Variants in PVT1 observed in about 807,000 individuals in gnomAD.
PVT1 encodes the protein CXCR4/PVT1 fusion.
intron 3 of PVT1, among the ~76,000 whole-genome samples, chr8:127,966,741 C>T (rs1026001328): frequency 6.6e-6 from 1 of 152,146 alleles, no homozygotes; most frequent in Non-Finnish European, 1.5e-5. Context: ...CATTGGACAG[C>T]ATATGTCAGC....
rs73707143 is a variant in PVT1, at chr8:127,939,094, T to A, written n.782+48096T>A. Among the ~76,000 whole-genome samples the A allele has an allele frequency of 3.7e-3, 565 of 152,350 alleles. 4 individuals are homozygous for A. Among genetic ancestry groups the A allele is most frequent in the African/African-American group, 0.013 (528 of 41,576 alleles). On this transcript the variant is annotated intron_variant and non_coding_transcript_variant, in intron 3 of 10. Transcript: ENST00000651587. ...CCAAGGGGTCTTCTTGCTTCCGCTTTCTCTAGGCCAAGGCTTTGCAGTTAT... is the reference window on the plus strand; with the variant it reads ...CCAAGGGGTCTTCTTGCTTCCGCTTACTCTAGGCCAAGGCTTTGCAGTTAT...
In PVT1 at chr8:127,935,967, G is replaced by A. The variant is rs975805649; in HGVS notation, n.782+44969G>A. On this transcript the variant is annotated intron_variant and non_coding_transcript_variant, in intron 3 of 10. Transcript: ENST00000651587. ...TGTCAGGGGTGGCCACGTGAGGGTGGAAGTGGTTTGAATGAGGAATGGTCT... is the reference window on the plus strand; with the variant it reads ...TGTCAGGGGTGGCCACGTGAGGGTGAAAGTGGTTTGAATGAGGAATGGTCT... 5.9e-5 allele frequency among the ~76,000 whole-genome samples: 9 copies of A among 151,620 alleles called. 1 individual carries two copies. The highest frequency in any genetic ancestry group is 5.3e-4 in the Admixed American group (8 of 15,236).
At chr8:128,095,354 C>G (rs866870171) in intron 5 of PVT1, among the ~76,000 whole-genome samples, 3 of 152,122 alleles carry the variant, frequency 2.0e-5, no homozygotes, top group South Asian at 2.1e-4. Flanking sequence ...AGGGTTTTGT[C>G]TTTTTCTGCA....
At chr8:127,822,758 C>T (rs1437931752) in intron 2 of PVT1, among the ~76,000 whole-genome samples, 1 of 152,132 alleles carries the variant, frequency 6.6e-6, no homozygotes, top group Non-Finnish European at 1.5e-5. Context: ...GAAACAGCAC[C>T]TACAGGGCTG....
intron 2 of PVT1, among the ~76,000 whole-genome samples, chr8:127,867,576 C>G (rs1348852443): frequency 1.3e-5 from 2 of 152,222 alleles, no homozygotes. Context: ...GCCTTCCTGT[C>G]TGACAAAGGC....
intron 3 of PVT1, among the ~76,000 whole-genome samples, chr8:127,919,253 A>G (rs1467810710): frequency 1.3e-5 from 2 of 152,194 alleles, no homozygotes; most frequent in Non-Finnish European, 2.9e-5. Context: ...ATTCTAACAC[A>G]GCACCTTGTC....
At chr8:127,896,780 C>CA (rs58358914) in intron 3 of PVT1, among the ~76,000 whole-genome samples, 31,901 of 140,946 alleles carry the variant, frequency 0.23, 3,486 homozygotes, top group African/African-American at 0.36. Context: ...TTCCTCCCCC[C>CA]CCCCGCCCCC....
At chr8:128,052,878 G>A (rs1207656823) in intron 4 of PVT1, among the ~76,000 whole-genome samples, 1 of 152,244 alleles carries the variant, frequency 6.6e-6, no homozygotes, top group Non-Finnish European at 1.5e-5. Flanking sequence ...CAAAGGCTAA[G>A]TAATGTGGTC....
chr8:127,854,005 C>T (rs1450486552), intron 2 of PVT1, among the ~76,000 whole-genome samples: 5 of 152,178 alleles, frequency 3.3e-5, no homozygotes, highest in Non-Finnish European at 7.4e-5. Flanking sequence ...TGCCCCCAGC[C>T]CCACGTGCCA....
intron 2 of PVT1, among the ~76,000 whole-genome samples, chr8:127,854,551 A>G (rs1407921090): frequency 2.6e-5 from 4 of 152,188 alleles, no homozygotes; most frequent in Non-Finnish European, 5.9e-5. Flanking sequence ...TGGTCATTTT[A>G]CAGAACTGTG....
At chr8:127,972,631 C>T (rs1016731182) in intron 3 of PVT1, among the ~76,000 whole-genome samples, 2 of 151,996 alleles carry the variant, frequency 1.3e-5, no homozygotes, top group Non-Finnish European at 2.9e-5. Flanking sequence ...CCCAGCTACT[C>T]AAGAGGCTAA....
chr8:128,073,134 A>C (rs1013810941), intron 5 of PVT1, among the ~76,000 whole-genome samples: 15 of 151,956 alleles, frequency 9.9e-5, no homozygotes, highest in Non-Finnish European at 1.3e-4. Flanking sequence ...CACCCGGCCC[A>C]CCTGAGCATT....
chr8:127,822,551 T>G (rs913830787), intron 2 of PVT1, among the ~76,000 whole-genome samples: 4 of 152,166 alleles, frequency 2.6e-5, no homozygotes, highest in African/African-American at 9.7e-5. Flanking sequence ...CACTCCAGCC[T>G]GGGCGACAGA....
chr8:127,805,413 T>G (rs1342933696), intron 2 of PVT1, among the ~76,000 whole-genome samples: 2 of 152,200 alleles, frequency 1.3e-5, no homozygotes, highest in Non-Finnish European at 2.9e-5. Context: ...GCATAATGTC[T>G]GAATTTTTTA....
chr8:127,838,058 C>T (rs1006835267), intron 2 of PVT1, among the ~76,000 whole-genome samples: 6 of 151,824 alleles, frequency 4.0e-5, no homozygotes, highest in Non-Finnish European at 5.9e-5. Context: ...CCACCATGCC[C>T]GGCTAATTTT....
Position 128,006,143 on chromosome 8 carries a change from AAT to A in PVT1, n.912+16854_912+16855del, listed in dbSNP as rs1394359688. Among the ~76,000 whole-genome samples the A allele has an allele frequency of 5.2e-3, 716 of 136,988 alleles. 6 individuals carry two copies. Among genetic ancestry groups the A allele is most frequent in the African/African-American group, 0.011 (346 of 32,352 alleles). The allele number at this position is 136,988 out of a possible 152,430, so 89.9% of individuals were successfully genotyped here. ...TAATAATAATAATAATAATAATAATAATAATAAAAAGATAAGGGAAATTTGGG... is the reference window on the plus strand; with the variant it reads ...TAATAATAATAATAATAATAATAATAAATAAAAAGATAAGGGAAATTTGGG... On this transcript the variant is annotated intron_variant and non_coding_transcript_variant, in intron 4 of 10. Transcript: ENST00000651587.
intron 3 of PVT1, among the ~76,000 whole-genome samples, chr8:127,981,681 A>T (rs1041331408): frequency 6.6e-5 from 10 of 152,364 alleles, no homozygotes; most frequent in African/African-American, 2.4e-4. Flanking sequence ...GTAGAAGACT[A>T]GGAGTGGAAA....
At chr8:127,812,579 G>A (rs1405944214) in intron 2 of PVT1, among the ~76,000 whole-genome samples, 2 of 145,522 alleles carry the variant, frequency 1.4e-5, no homozygotes, top group Non-Finnish European at 3.0e-5. Flanking sequence ...AGAAAGAAAA[G>A]GAGAGAGGGA....
rs1199987633 is a variant in PVT1 at position 127,947,740 on chromosome 8, A to T, written n.783-41422A>T. 3 of 456,424 alleles carry T rather than the reference A, an allele frequency of 6.6e-6. No homozygotes were observed. The Admixed American group carries it at 7.0e-5, about 11-fold the overall frequency. The allele number at this position is 456,424 out of a possible 1,614,324, so 28.3% of individuals were successfully genotyped here. The stretch of plus-strand genomic sequence containing the variant: ...GGGTCTGTGAATGGAAGACTGAAGA[A>T]AAGGCGATGATCACAGTCCAGGGAC... On this transcript the variant is annotated intron_variant and non_coding_transcript_variant, in intron 3 of 10. Coordinates refer to ENST00000651587, the Ensembl canonical transcript of PVT1.
Sources: gnomAD v4.1 joint callset for allele counts (sites outside exome capture counted in the v4.1 genomes callset) on GRCh38, gnomAD v4.1.1 for gene constraint, MANE v1.5 for transcripts, NCBI Gene and HGNC (gene_info 2026-07-23, HGNC 2026-07-21) for gene names.